FLG: variants seen among roughly 807,000 people sequenced by gnomAD.
FLG encodes the protein epidermal filaggrin.
A neutral mutation model predicts 3.8 loss-of-function variants in FLG; 6 were observed. That is an observed-to-expected ratio of 1.60 (90% CI 0.87 to 3.15). The LOEUF (loss-of-function observed/expected upper bound fraction) is 3.15. Ranked by LOEUF, FLG falls within the 30% of genes most tolerant of loss-of-function variation. The pLI is 0.00. For missense variants in FLG, 7,595 were observed against 5,050.9 expected (o/e 1.50, Z -15.27); for synonymous variants, 2,551 against 1,931.6 (o/e 1.32, Z -8.41).
At position 152,307,057 on chromosome 1, in the gene FLG, T is replaced by C; in HGVS notation, c.7829A>G (p.Gln2610Arg). Residue 2610 changes from glutamine to arginine, a missense_variant, in exon 3 of 3, where the codon CAA (glutamine) becomes CGA (arginine). Transcript: ENST00000368799. ...GTGCCCATGACCAGCTCTGTCTTCT[T>C]GATGGGACCTGGGGTGTCTGGAGCC... Reference protein sequence around the residue: ...RDGSRHPRSHQEDRAGHGHSA... With the variant: ...RDGSRHPRSHREDRAGHGHSA... 1 of 1,607,704 alleles carries C rather than the reference T, an allele frequency of 6.2e-7. No individual in the cohort carries two copies. Among genetic ancestry groups the C allele is most frequent in the Non-Finnish European group, 8.5e-7 (1 of 1,179,100 alleles).
In FLG at chr1:152,309,302, T is replaced by G. The variant is rs761434094; in HGVS notation, c.5584A>C (p.Arg1862=). The G allele has an allele frequency of 5.0e-6, 8 of 1,613,842 alleles. No homozygotes were observed. The highest frequency in any genetic ancestry group is 1.6e-4 in the Middle Eastern group (1 of 6,084). The change falls in exon 3 of 3, where the codon AGA becomes CGA. Residue 1862 remains arginine (R), a synonymous_variant. Transcript: ENST00000368799. The part of the protein sequence containing the change: ...SDVSRGQSGS[R]SVSRQTRNEK... ...TTACGTGTTTGTCTGCTGACACTTC[T>G]GGATCCTGACTGCCCACGGGAGACA...
Position 152,308,170 on chromosome 1 carries a change from CG to C in FLG, c.6715del (p.Arg2239GlyfsTer180), listed in dbSNP as rs1652112683. ...ACTGTCCTGGCTAACACTGGATCCC[CG>C]GGGCCTGCTTGTCCTGGGCCCTGAT... ...QSSGPRTSRP[R>X]GSSVSQDSDS... On this transcript the variant is annotated frameshift_variant, in exon 3 of 3. Coordinates refer to ENST00000368799, the MANE Select transcript of FLG (RefSeq NM_002016.2). LOFTEE classifies it low-confidence loss of function (END_TRUNC). The C allele has an allele frequency of 8.7e-6, 14 of 1,606,242 alleles. No homozygotes were observed. Among genetic ancestry groups the C allele is most frequent in the Non-Finnish European group, 1.2e-5 (14 of 1,179,150 alleles).
At chr1:152,320,409 T>C (rs1652920393) in intron 1 of FLG, among the ~76,000 whole-genome samples, 1 of 150,934 alleles carries the variant, frequency 6.6e-6, no homozygotes, top group Non-Finnish European at 1.5e-5. Flanking sequence ...TGATTGTAAA[T>C]GAAAGGGTGG....
Position 152,302,592 on chromosome 1 carries a change from G to A in FLG, c.*108C>T. The A allele has an allele frequency of 2.1e-6, 3 of 1,424,414 alleles. No individual in the cohort carries two copies. Among genetic ancestry groups the A allele is most frequent in the Non-Finnish European group, 2.8e-6 (3 of 1,053,562 alleles). The allele number at this position is 1,424,414 out of a possible 1,614,324, so 88.2% of individuals were successfully genotyped here. On this transcript the variant is annotated 3_prime_UTR_variant, in exon 3 of 3. Coordinates refer to ENST00000368799, the MANE Select transcript of FLG (RefSeq NM_002016.2). ...GAAATACTATAGCATATTTTAAACA[G>A]ATTGACAGGAAAAGATAACTTCCCT...
At position 152,314,598 on chromosome 1, in the gene FLG, T is replaced by C. The variant is rs1652707522; in HGVS notation, c.288A>G (p.Ile96Met). ...TGTGCTTTCTGTGCTTGTGTCCTGA[T>C]ATCGGTAAATTCTCTTTTCTGGTAG... is the stretch of plus-strand genomic sequence containing the variant. ...YESTRKENLP[I>M]SGHKHRKHSH... The change falls in exon 3 of 3, where the codon ATA becomes ATG. Residue 96 changes from isoleucine (I) to methionine (M), a missense_variant. Coordinates refer to ENST00000368799, the MANE Select transcript of FLG (RefSeq NM_002016.2). 8 of 1,614,024 alleles carry C rather than the reference T, an allele frequency of 5.0e-6. No homozygotes were observed. Among genetic ancestry groups the C allele is most frequent in the Non-Finnish European group, 6.8e-6 (8 of 1,179,946 alleles).
rs375783519 is a variant in FLG, at chr1:152,313,806, G to A, written c.1080C>T (p.His360=). ...ADSSRQSGTR[H]AETSSRGQTA... is the part of the protein sequence containing the mutation. ...TCTGTCCACGAGAGGAAGTCTCTGC[G>A]TGACGAGTGCCTGATTGTCTGGAGC... Residue 360 remains histidine (H), a synonymous_variant, in exon 3 of 3, where the codon CAC becomes CAT. Transcript: ENST00000368799. The A allele has an allele frequency of 4.6e-5, 75 of 1,614,000 alleles. 1 individual carries two copies. In the South Asian group the frequency reaches 6.6e-4, roughly 14 times the overall value.
chr1:152,311,175 G>A lies in FLG; in HGVS notation c.3711C>T (p.His1237=), dbSNP rs373938033. Residue 1237 remains histidine (H), a synonymous_variant, in exon 3 of 3, where the codon CAC becomes CAT. Transcript: ENST00000368799. ...GDGSRHSGSR[H]HEAASWADSS... The stretch of plus-strand genomic sequence containing the variant: ...TGTCAGCCCAAGAGGCAGCTTCATG[G>A]TGACGTGACCCTGAGTGCCTGGAGC... 42 of 1,613,732 alleles carry A rather than the reference G, an allele frequency of 2.6e-5. No individual in the cohort carries two copies. Among genetic ancestry groups the A allele is most frequent in the African/African-American group, 4.0e-5 (3 of 74,822 alleles).
chr1:152,304,797 G>A lies in FLG; in HGVS notation c.10089C>T (p.Pro3363=), dbSNP rs759647229. 11 of 1,613,664 alleles carry A rather than the reference G, an allele frequency of 6.8e-6. No homozygotes were observed. The highest frequency in any genetic ancestry group is 9.3e-6 in the Non-Finnish European group (11 of 1,179,960). The change falls in exon 3 of 3, where the codon CCC becomes CCT. Residue 3363 remains proline, a synonymous_variant. Coordinates refer to ENST00000368799, the MANE Select transcript of FLG (RefSeq NM_002016.2). The part of the protein sequence containing the change: ...QSVSGHGQAG[P]HQQSHQESAR... ...CGGACTCTTGGTGGCTCTGCTGATGGGGCCCAGCCTGTCCATGGCCTGACA... is the reference window on the plus strand; with the variant it reads ...CGGACTCTTGGTGGCTCTGCTGATGAGGCCCAGCCTGTCCATGGCCTGACA...
In FLG at chr1:152,304,405, T is replaced by A. The variant is rs1651799233; in HGVS notation, c.10481A>T (p.Gln3494Leu). 1 of 1,611,672 alleles carries A rather than the reference T, an allele frequency of 6.2e-7. No individual in the cohort carries two copies. The highest frequency in any genetic ancestry group is 1.7e-5 in the Admixed American group (1 of 59,804). The change falls in exon 3 of 3, where the codon CAA (glutamine) becomes CTA (leucine). Residue 3494 changes from glutamine to leucine, a missense_variant. Gln to Leu is a moderately radical substitution (Grantham distance 113, BLOSUM62 -2). Coordinates refer to ENST00000368799, the MANE Select transcript of FLG (RefSeq NM_002016.2). The part of the protein sequence containing the change: ...SASRQTRNDE[Q>L]SGDGSRHSWS... ...TGAGTGCCTGGAGCCATCTCCTGAT[T>A]GTTCGTCATTACGAGTTTGTCTGCT...
Position 152,312,674 on chromosome 1 carries a change from C to G in FLG, c.2212G>C (p.Gly738Arg). The G allele has an allele frequency of 1.2e-6, 2 of 1,613,960 alleles. No individual in the cohort carries two copies. The highest frequency in any genetic ancestry group is 8.5e-7 in the Non-Finnish European group (1 of 1,179,996). The change falls in exon 3 of 3, where the codon GGA becomes CGA. Residue 738 changes from glycine (G) to arginine (R), a missense_variant. Coordinates refer to ENST00000368799, the MANE Select transcript of FLG (RefSeq NM_002016.2). Reference sequence around the variant, plus strand: ...TGACTACCACTGGACCCTCGGTGTCCACTGTCTCTGACTGCAGATGAAGCT... The same window carrying G: ...TGACTACCACTGGACCCTCGGTGTCGACTGTCTCTGACTGCAGATGAAGCT... ...GQASSAVRDS[G>R]HRGSSGSQAT...
chr1:152,315,652 G>A (rs565470513), intron 1 of FLG, among the ~76,000 whole-genome samples, 175 bp from the exon 2 acceptor site: 20 of 152,274 alleles, frequency 1.3e-4, no homozygotes, highest in African/African-American at 4.6e-4. Context: ...AATGAATAGA[G>A]TTTTCCTGAC....
chr1:152,318,609 A>G (rs1652863987), intron 1 of FLG, among the ~76,000 whole-genome samples: 1 of 151,822 alleles, frequency 6.6e-6, no homozygotes, highest in African/African-American at 2.4e-5. Flanking sequence ...ATGTCATTGG[A>G]TCCCATCACT....
At chr1:152,316,157 A>T (rs1199828441) in intron 1 of FLG, among the ~76,000 whole-genome samples, 2 of 152,120 alleles carry the variant, frequency 1.3e-5, no homozygotes, top group African/African-American at 4.8e-5. Context: ...AAGAATTATA[A>T]CTTTATTAGG....
In FLG at chr1:152,304,833, G is replaced by T; in HGVS notation, c.10053C>A (p.Asp3351Glu). Reference protein sequence around the residue: ...SDSEGHSEESDTQSVSGHGQA... With the variant: ...SDSEGHSEESETQSVSGHGQA... The stretch of plus-strand genomic sequence containing the variant: ...GTCCATGGCCTGACACTGACTGTGT[G>T]TCTGACTCTTCTGAATGTCCCTCAC... Residue 3351 changes from aspartate (D) to glutamate (E), a missense_variant, in exon 3 of 3, where the codon GAC becomes GAA. Coordinates refer to ENST00000368799, the MANE Select transcript of FLG (RefSeq NM_002016.2). The T allele has an allele frequency of 1.2e-6, 2 of 1,613,792 alleles. No homozygotes were observed. The highest frequency in any genetic ancestry group is 2.2e-5 in the South Asian group (2 of 91,020).
rs367578694 is a variant in FLG at position 152,313,727 on chromosome 1, C to G, written c.1159G>C (p.Gly387Arg). Reference protein sequence around the residue: ...RSSPGERHGSGHQQSADSSRH... With the variant: ...RSSPGERHGSRHQQSADSSRH... ...GAGCTGTCTGCTGACTGCTGGTGGC[C>G]GGATCCATGTCTTTCTCCTGGACTT... The change falls in exon 3 of 3, where the codon GGC becomes CGC. Residue 387 changes from glycine (G) to arginine (R), a missense_variant. By Grantham distance (125) the Gly-to-Arg change is moderately radical. Coordinates refer to ENST00000368799, the MANE Select transcript of FLG (RefSeq NM_002016.2). 1.9e-5 allele frequency: 31 copies of G among 1,613,824 alleles called. No homozygotes were observed. In the South Asian group the frequency reaches 2.0e-4, roughly 10 times the overall value.
At position 152,312,739 on chromosome 1, in the gene FLG, G is replaced by A. The variant is rs768315267; in HGVS notation, c.2147C>T (p.Ser716Leu). ...GCCTGAGTGTCTGGAGCTGTCTGCT[G>A]ACTGGAGCTGGTGGCGGGATCCATG... Reference protein sequence around the residue: ...ERHGSRHQLQSADSSRHSGTG... With the variant: ...ERHGSRHQLQLADSSRHSGTG... The change falls in exon 3 of 3, where the codon TCA (serine) becomes TTA (leucine). Residue 716 changes from serine (S) to leucine (L), a missense_variant. Ser to Leu is a moderately radical substitution (Grantham distance 145). Transcript: ENST00000368799. The A allele has an allele frequency of 6.2e-7, 1 of 1,614,016 alleles. No homozygotes were observed. The highest frequency in any genetic ancestry group is 8.5e-7 in the Non-Finnish European group (1 of 1,180,028).
At position 152,315,483 on chromosome 1, in the gene FLG, A is replaced by G. The variant is rs773161264; in HGVS notation, c.-21-6T>C. The stretch of plus-strand genomic sequence containing the variant: ...TTTTGGCAATAAATGTGAACCTAGA[A>G]AGAAGAAATGAAAATGCACTTTTTT... On this transcript the variant is annotated splice_polypyrimidine_tract_variant and splice_region_variant and intron_variant, in intron 1 of 2. Transcript: ENST00000368799. 9.4e-6 allele frequency: 15 copies of G among 1,600,418 alleles called. No individual in the cohort carries two copies. The highest frequency in any genetic ancestry group is 5.1e-6 in the Non-Finnish European group (6 of 1,173,808).
rs66977240 is a variant in FLG at position 152,308,260 on chromosome 1, T to A, written c.6626A>T (p.His2209Leu). ...SGDGSRHSGS[H>L]HHEASSWADS... is the part of the protein sequence containing the mutation. ...GGCCCAAGAGGAAGCTTCATGATGATGCGACCCTGAGTGCCTAGAGCCATC... is the reference window on the plus strand; with the variant it reads ...GGCCCAAGAGGAAGCTTCATGATGAAGCGACCCTGAGTGCCTAGAGCCATC... Residue 2209 changes from histidine to leucine, a missense_variant, in exon 3 of 3, where the codon CAT becomes CTT. By Grantham distance (99) the His-to-Leu change is moderately conservative. Transcript: ENST00000368799. 2 of 1,585,736 alleles carry A rather than the reference T, an allele frequency of 1.3e-6. No individual in the cohort carries two copies. Among genetic ancestry groups the A allele is most frequent in the African/African-American group, 1.5e-5 (1 of 65,736 alleles).
chr1:152,313,186 G>C lies in FLG; in HGVS notation c.1700C>G (p.Ala567Gly). The C allele has an allele frequency of 6.2e-7, 1 of 1,613,828 alleles. No homozygotes were observed. Among genetic ancestry groups the C allele is most frequent in the East Asian group, 2.2e-5 (1 of 44,826 alleles). Residue 567 changes from alanine to glycine, a missense_variant, in exon 3 of 3, where the codon GCA (alanine) becomes GGA (glycine). Transcript: ENST00000368799. ...ASHGQSGSRSASRQTRNEEQS... is the reference protein window; with the variant it reads ...ASHGQSGSRSGSRQTRNEEQS... The stretch of plus-strand genomic sequence containing the variant: ...TTCCTCATTTCGTGTTTGTCTGCTT[G>C]CACTTCTGGATCCTGACTGCCCATG...
Sources: allele counts gnomAD v4.1 joint callset (sites outside exome capture counted in the v4.1 genomes callset), GRCh38; gene constraint gnomAD v4.1.1; transcripts MANE v1.5; gene names NCBI Gene and HGNC (gene_info 2026-07-23, HGNC 2026-07-21).